UGT3A1: variants seen among roughly 807,000 people sequenced by gnomAD.
UGT3A1 encodes the protein UDP glycosyltransferase family 3 member A1, also known as UDP-glycosyltransferase 3A1.
Under a neutral mutation model 37.6 loss-of-function variants are expected in UGT3A1, and 40 were observed. The observed-to-expected ratio is 1.06, with a 90% CI of 0.83 to 1.38. The LOEUF (loss-of-function observed/expected upper bound fraction) is 1.38. UGT3A1 is among the 40% of genes most tolerant of loss of function. The pLI is 0.00. For synonymous variants in UGT3A1, 256 were observed against 232.3 expected, an observed-to-expected ratio of 1.10 and a Z score of -0.93; for missense variants, 642 against 634.2, an observed-to-expected ratio of 1.01 and a Z score of -0.13.
chr5:35,960,118 G>A (rs1464599430), intron 4 of UGT3A1, among the ~76,000 whole-genome samples: 3 of 152,118 alleles, frequency 2.0e-5, no homozygotes, highest in Non-Finnish European at 2.9e-5. Context: ...ACAATCCAAA[G>A]GGATGTACAT....
rs766910396 is a variant in UGT3A1 at position 35,955,835 on chromosome 5, G to A, written c.1105C>T (p.His369Tyr). Residue 369 changes from histidine (H) to tyrosine (Y), a missense_variant, in exon 6 of 7, where the codon CAT (histidine) becomes TAT (tyrosine). Coordinates refer to ENST00000274278, the MANE Select transcript of UGT3A1 (RefSeq NM_152404.4). Reference protein sequence around the residue: ...AHPSIRLFVTHGGQNSVMEAI... With the variant: ...AHPSIRLFVTYGGQNSVMEAI... The stretch of plus-strand genomic sequence containing the variant: ...TCCATTACGCTGTTCTGCCCACCAT[G>A]AGTGACAAAAAGACGGATGCTGGGG... 42 of 1,614,078 alleles carry A rather than the reference G, an allele frequency of 2.6e-5. No individual in the cohort carries two copies. The highest frequency in any genetic ancestry group is 3.3e-5 in the Admixed American group (2 of 60,008).
At chr5:35,982,317 T>C (rs932572861) in intron 2 of UGT3A1, among the ~76,000 whole-genome samples, 2 of 152,068 alleles carry the variant, frequency 1.3e-5, no homozygotes, top group Non-Finnish European at 2.9e-5. Context: ...CAACAACAGA[T>C]CATTAAAGCA....
At position 35,955,763 on chromosome 5, in the gene UGT3A1, C is replaced by T. The variant is rs754372841; in HGVS notation, c.1177G>A (p.Asp393Asn). 6.2e-7 allele frequency: 1 copy of T among 1,614,210 alleles called. No individual in the cohort carries two copies. The highest frequency in any genetic ancestry group is 8.5e-7 in the Non-Finnish European group (1 of 1,180,034). The change falls in exon 6 of 7, where the codon GAC (aspartate) becomes AAC (asparagine). Residue 393 changes from aspartate (D) to asparagine (N), a missense_variant. Transcript: ENST00000274278. Reference sequence around the variant, plus strand: ...ACTCGGACCATGTTTCCATGCTGGTCTCCATTGACTGGTAATCCCACCATG... The same window carrying T: ...ACTCGGACCATGTTTCCATGCTGGTTTCCATTGACTGGTAATCCCACCATG... ...VPMVGLPVNG[D>N]QHGNMVRVVA...
At chr5:35,964,502 C>T (rs190477037) in intron 4 of UGT3A1, among the ~76,000 whole-genome samples, 19 of 152,274 alleles carry the variant, frequency 1.2e-4, no homozygotes, top group African/African-American at 4.1e-4. Context: ...CCAACTCTTC[C>T]TGTTTACTCA....
intron 2 of UGT3A1, among the ~76,000 whole-genome samples, chr5:35,977,468 G>C (rs1376949744): frequency 6.6e-6 from 1 of 152,180 alleles, no homozygotes; most frequent in African/African-American, 2.4e-5. Context: ...ATACCTCATG[G>C]ACAGCTTGGT....
At chr5:35,955,345 C>T in intron 6 of UGT3A1, 1 of 558,984 alleles carries the variant, frequency 1.8e-6, no homozygotes, top group Admixed American at 3.1e-5. Context: ...CAAAGAAACC[C>T]CCCGCTTCAG....
intron 1 of UGT3A1, among the ~76,000 whole-genome samples, chr5:35,997,709 G>A (rs1741129581): frequency 6.6e-6 from 1 of 152,204 alleles, no homozygotes; most frequent in Non-Finnish European, 1.5e-5. Flanking sequence ...ACAGGCATGA[G>A]CCACAGCACC....
chr5:35,959,812 T>G (rs1424295610), intron 4 of UGT3A1, among the ~76,000 whole-genome samples: 2 of 151,864 alleles, frequency 1.3e-5, no homozygotes, highest in Admixed American at 6.6e-5. Flanking sequence ...ACACACACAC[T>G]AAAGATTAAA....
intron 5 of UGT3A1, 98 bp from the exon 6 acceptor site, chr5:35,955,962 G>A: frequency 1.7e-6 from 2 of 1,209,058 alleles, no homozygotes; most frequent in Non-Finnish European, 1.2e-6. Context: ...ATGAAATCAA[G>A]GTCTGTTGAG....
intron 2 of UGT3A1, among the ~76,000 whole-genome samples, chr5:35,974,432 T>C (rs1224701900): frequency 6.6e-6 from 1 of 152,192 alleles, no homozygotes; most frequent in African/African-American, 2.4e-5. Context: ...AAATGACCTG[T>C]ATCTGGCAAA....
At chr5:35,987,533 CA>C (rs1390913540) in intron 2 of UGT3A1, among the ~76,000 whole-genome samples, 1 of 152,118 alleles carries the variant, frequency 6.6e-6, no homozygotes, top group Non-Finnish European at 1.5e-5. Flanking sequence ...GCTGAGAAAT[CA>C]GACACTATAA....
At position 35,955,355 on chromosome 5, in the gene UGT3A1, G is replaced by A. The variant is rs1468519796; in HGVS notation, c.1295+290C>T. On this transcript the variant is annotated intron_variant, in intron 6 of 6. Transcript: ENST00000274278. The stretch of plus-strand genomic sequence containing the variant: ...ACACACAAAGAAACCCCCCGCTTCA[G>A]TTGGAATTCCACTAGAGGGACTCCC... 4 of 571,602 alleles carry A rather than the reference G, an allele frequency of 7.0e-6. No individual in the cohort carries two copies. In the Admixed American group the frequency reaches 1.2e-4, roughly 18 times the overall value. The allele number at this position is 571,602 out of a possible 1,614,324, so 35.4% of individuals were successfully genotyped here. A position where few individuals can be genotyped will look rare whatever the true frequency, so the allele number is the denominator to read the frequency against.
upstream of UGT3A1, among the ~76,000 whole-genome samples, chr5:35,995,807 T>G (rs1741081463): frequency 6.6e-6 from 1 of 152,234 alleles, no homozygotes; most frequent in African/African-American, 2.4e-5. Context: ...GAATCAGTTT[T>G]AAATTATTTA....
At chr5:35,985,889 G>A (rs762534406) in intron 2 of UGT3A1, among the ~76,000 whole-genome samples, 4 of 152,064 alleles carry the variant, frequency 2.6e-5, no homozygotes, top group Non-Finnish European at 4.4e-5. Flanking sequence ...CTTCTGCACA[G>A]CAAAGGAAAC....
upstream of UGT3A1, among the ~76,000 whole-genome samples, chr5:35,993,897 T>A (rs1216165574): frequency 8.3e-6 from 1 of 120,040 alleles, no homozygotes; most frequent in Non-Finnish European, 1.7e-5. Flanking sequence ...GAGGTTTATA[T>A]GCTGTTATTA....
At chr5:35,996,853 C>T (rs1334140661) in intron 2 of UGT3A1, among the ~76,000 whole-genome samples, 1 of 152,098 alleles carries the variant, frequency 6.6e-6, no homozygotes, top group Non-Finnish European at 1.5e-5. Flanking sequence ...TTTTAGCTTC[C>T]CCAATCTTCC....
chr5:35,968,895 G>T (rs538885600), intron 2 of UGT3A1, among the ~76,000 whole-genome samples: 1 of 152,274 alleles, frequency 6.6e-6, no homozygotes, highest in Non-Finnish European at 1.5e-5. Context: ...TCAATAATTT[G>T]CATTGTGAGA....
chr5:35,967,898 C>A (rs10491431), intron 3 of UGT3A1, 121 bp downstream of exon 3: 134,403 of 723,686 alleles, frequency 0.19, 14,992 homozygotes, highest in East Asian at 0.37. Context: ...ATCTATTTCT[C>A]CATCTATCCA....
At chr5:35,974,139 C>A (rs921905669) in intron 2 of UGT3A1, among the ~76,000 whole-genome samples, 1 of 152,150 alleles carries the variant, frequency 6.6e-6, no homozygotes, top group Non-Finnish European at 1.5e-5. Flanking sequence ...TACTGTTAAT[C>A]TTTCTCCAGC....
Sources: allele counts gnomAD v4.1 joint callset (sites outside exome capture counted in the v4.1 genomes callset), GRCh38; gene constraint gnomAD v4.1.1; transcripts MANE v1.5; gene names NCBI Gene and HGNC (gene_info 2026-07-23, HGNC 2026-07-21).